The following LCOR variants were observed in gnomAD, a reference collection of about 807,000 sequenced individuals.
The protein encoded by LCOR is ligand dependent nuclear receptor corepressor.
A neutral mutation model predicts 64.4 loss-of-function variants in LCOR; 14 were observed. The ratio of observed to expected loss-of-function variants is 0.22; its 90% confidence interval spans 0.14 to 0.34. LCOR has a LOEUF of 0.34. LCOR is among the 10% of genes least tolerant of loss of function. The pLI is 1.00. For synonymous variants in LCOR, 643 were observed against 642.5 expected (o/e 1.00, Z -0.01); for missense variants, 1,686 against 1,765.3 (o/e 0.96, Z 0.80).
At chr10:96,954,107 T>C (rs1847725654) in intron 7 of LCOR, among the ~76,000 whole-genome samples, 1 of 152,218 alleles carries the variant, frequency 6.6e-6, no homozygotes, top group Admixed American at 6.5e-5. Context: ...AGAAAACTGC[T>C]AAAAAATTGT....
intron 2 of LCOR, among the ~76,000 whole-genome samples, chr10:96,851,877 C>T (rs1845727014): frequency 6.6e-6 from 1 of 152,170 alleles, no homozygotes; most frequent in African/African-American, 2.4e-5. Flanking sequence ...TTACCCCAAA[C>T]ACATTATTTT....
At position 96,963,562 on chromosome 10, in the gene LCOR, T is replaced by G. The variant is rs540081316; in HGVS notation, c.332+11366T>G. On this transcript the variant is annotated intron_variant, in intron 7 of 7. Coordinates refer to ENST00000421806, the MANE Select transcript of LCOR (RefSeq NM_001346516.2). ...AGTAGTGATTCTGCCAAAGTTGGTG[T>G]TGTAACATGAGTATGTAAAATGTCA... The G allele has an allele frequency of 2.6e-5, 4 of 152,320 alleles. No homozygotes were observed. The South Asian group carries it at 8.3e-4, about 32-fold the overall frequency. 9.4% of individuals were successfully genotyped at this position (152,320 alleles called of 1,614,324 possible).
intron 2 of LCOR, among the ~76,000 whole-genome samples, chr10:96,867,518 G>A (rs1037958078): frequency 6.6e-6 from 1 of 152,130 alleles, no homozygotes; most frequent in Non-Finnish European, 1.5e-5. Flanking sequence ...GATCGCTTGA[G>A]CTGAGGAGAT....
At chr10:96,842,279 C>G (rs1209551033) in intron 2 of LCOR, among the ~76,000 whole-genome samples, 5 of 152,056 alleles carry the variant, frequency 3.3e-5, no homozygotes, top group Non-Finnish European at 7.4e-5. Context: ...CCTGTAGCCC[C>G]AGCTGCTTGG....
At position 96,994,588 on chromosome 10, in the gene LCOR, CTT is replaced by C. The variant is rs1281339758; in HGVS notation, c.*9456_*9457del. 1 of 151,950 alleles carries C rather than the reference CTT, an allele frequency of 6.6e-6. No individual in the cohort carries two copies. The highest frequency in any genetic ancestry group is 1.5e-5 in the Non-Finnish European group (1 of 68,018). 9.4% of individuals were successfully genotyped at this position (151,950 alleles called of 1,614,324 possible). A position where few individuals can be genotyped will look rare whatever the true frequency, so the allele number is the denominator to read the frequency against. On this transcript the variant is annotated 3_prime_UTR_variant, in exon 8 of 8. Transcript: ENST00000421806. ...CTGAAGTGGGTGCATTAGGATAAAACTTTCCCTTGCTGAGCCTGAAGGCAAGC... is the reference window on the plus strand; with the variant it reads ...CTGAAGTGGGTGCATTAGGATAAAACTCCCTTGCTGAGCCTGAAGGCAAGC...
intron 2 of LCOR, among the ~76,000 whole-genome samples, chr10:96,902,378 T>TA (rs1846655028): frequency 2.6e-5 from 4 of 152,140 alleles, no homozygotes; most frequent in African/African-American, 9.7e-5. Context: ...GAGAATGTGC[T>TA]CAGGAGGAGA....
chr10:96,852,478 T>C (rs1022718924), intron 2 of LCOR, among the ~76,000 whole-genome samples: 3 of 152,184 alleles, frequency 2.0e-5, no homozygotes, highest in Non-Finnish European at 4.4e-5. Flanking sequence ...AAGGCACATA[T>C]GAAACGTAAA....
Position 96,984,715 on chromosome 10 carries a change from G to T in LCOR, c.4255G>T (p.Ala1419Ser), listed in dbSNP as rs1293324053. The T allele has an allele frequency of 6.2e-7, 1 of 1,613,838 alleles. No homozygotes were observed. The highest frequency in any genetic ancestry group is 1.3e-5 in the African/African-American group (1 of 74,892). The change falls in exon 8 of 8, where the codon GCC (alanine) becomes TCC (serine). Residue 1419 changes from alanine to serine, a missense_variant. This residue lies in a region of LCOR where 1,293 missense variants were observed against 1,410.4 expected (regional missense o/e 0.92). Transcript: ENST00000421806. The stretch of plus-strand genomic sequence containing the variant: ...TAAGAACAAGGGGCCTACGGTGAAA[G>T]CCAGCAAAGAAAAGCATGCTGATGG... Reference protein sequence around the residue: ...DSKNKGPTVKASKEKHADGAT... With the variant: ...DSKNKGPTVKSSKEKHADGAT...
At chr10:96,953,632 A>G (rs1162192870) in intron 7 of LCOR, among the ~76,000 whole-genome samples, 1 of 152,202 alleles carries the variant, frequency 6.6e-6, no homozygotes, top group Non-Finnish European at 1.5e-5. Context: ...AGTTTGCATA[A>G]ACAAATCCTT....
At chr10:96,956,538 A>C (rs991467999) in intron 7 of LCOR, 5 of 985,050 alleles carry the variant, frequency 5.1e-6, no homozygotes, top group Admixed American at 1.2e-4. Flanking sequence ...CTCACTATTA[A>C]ATTTATTTAA....
intron 2 of LCOR, among the ~76,000 whole-genome samples, chr10:96,882,954 A>G (rs1215787086): frequency 2.0e-5 from 3 of 152,130 alleles, no homozygotes; most frequent in Non-Finnish European, 4.4e-5. Flanking sequence ...TCGTTTATCC[A>G]TTCACTTACT....
intron 2 of LCOR, among the ~76,000 whole-genome samples, chr10:96,864,472 A>G (rs1430306911): frequency 6.6e-6 from 1 of 152,194 alleles, no homozygotes; most frequent in Non-Finnish European, 1.5e-5. Context: ...CTAGCTACCA[A>G]GCACTATATG....
At chr10:96,886,279 T>C (rs890628122) in intron 2 of LCOR, among the ~76,000 whole-genome samples, 4 of 152,204 alleles carry the variant, frequency 2.6e-5, no homozygotes, top group Admixed American at 6.5e-5. Context: ...GATATACAGG[T>C]TGAGTGTCTC....
intron 2 of LCOR, among the ~76,000 whole-genome samples, chr10:96,863,414 G>A (rs1046817878): frequency 6.6e-6 from 1 of 151,970 alleles, no homozygotes; most frequent in South Asian, 2.1e-4. Context: ...ATGTTGGCCA[G>A]CCTGGTCTCG....
chr10:96,975,303 A>G (rs1848028946), intron 7 of LCOR, among the ~76,000 whole-genome samples: 1 of 152,228 alleles, frequency 6.6e-6, no homozygotes, highest in Admixed American at 6.5e-5. Flanking sequence ...CTGTTATAAC[A>G]GGGCCTTTTA....
chr10:96,854,627 C>G (rs1359143140), intron 2 of LCOR, among the ~76,000 whole-genome samples: 1 of 152,090 alleles, frequency 6.6e-6, no homozygotes, highest in Non-Finnish European at 1.5e-5. Flanking sequence ...GTGCCTGGCC[C>G]ATTTCTTCAT....
Position 96,995,749 on chromosome 10 carries a change from G to T in LCOR, c.*10615G>T, listed in dbSNP as rs1848237063. 6.6e-6 allele frequency: 1 copy of T among 152,192 alleles called. No homozygotes were observed. The highest frequency in any genetic ancestry group is 2.1e-4 in the South Asian group (1 of 4,828). 9.4% of individuals were successfully genotyped at this position (152,192 alleles called of 1,614,324 possible). A position where few individuals can be genotyped will look rare whatever the true frequency, so the allele number is the denominator to read the frequency against. On this transcript the variant is annotated 3_prime_UTR_variant, in exon 8 of 8. Transcript: ENST00000421806. This position sits in a 1 kb window ranked among gnomAD's most constrained non-coding sequence, Gnocchi z 4.2. ...CCTATCAGGCCATGTAGGAAACTGT[G>T]TTCTTGTTATTGGTAGAGGGGCCCT...
chr10:96,924,581 A>G (rs1352118740), intron 4 of LCOR, among the ~76,000 whole-genome samples: 1 of 152,098 alleles, frequency 6.6e-6, no homozygotes, highest in Non-Finnish European at 1.5e-5. Flanking sequence ...TTTCACACTT[A>G]CAGAAAAGTT....
At chr10:96,873,571 C>CACGTGTGTGTGTGT (rs759335426) in intron 2 of LCOR, among the ~76,000 whole-genome samples, 2 of 126,340 alleles carry the variant, frequency 1.6e-5, no homozygotes, top group East Asian at 2.7e-4. Flanking sequence ...CACACACACA[C>CACGTGTGTGTGTGT]GTGTGTGTGT....
Sources: gnomAD v4.1 joint callset for allele counts (sites outside exome capture counted in the v4.1 genomes callset) on GRCh38, gnomAD v4.1.1 for gene constraint, gnomAD v4.1.1 regional missense constraint, Gnocchi (gnomAD v3.1) non-coding constraint, MANE v1.5 for transcripts, NCBI Gene and HGNC (gene_info 2026-07-23, HGNC 2026-07-21) for gene names.